RTTN: variants seen among roughly 807,000 people sequenced by gnomAD.
RTTN encodes rotatin.
A neutral mutation model predicts 269.2 loss-of-function variants in RTTN; 182 were observed. The observed-to-expected ratio is 0.68, with a 90% CI of 0.60 to 0.76. RTTN has a LOEUF of 0.76. Among genes scored for constraint, RTTN ranks in the 30% least tolerant of loss-of-function variants. The probability of loss-of-function intolerance (pLI) is 0.00; values close to 1 mark genes in which losing one functional copy is unlikely to be tolerated. For synonymous variants in RTTN, 1,006 were observed against 963.5 expected (o/e 1.04, Z -0.82); for missense variants, 2,545 against 2,608.6 (o/e 0.98, Z 0.53).
At chr18:70,024,255 G>T (rs1377884862) in intron 44 of RTTN, among the ~76,000 whole-genome samples, 3 of 152,094 alleles carry the variant, frequency 2.0e-5, no homozygotes, top group Non-Finnish European at 4.4e-5. Flanking sequence ...ACAATGCATG[G>T]CCCACCACAG....
At chr18:70,018,899 T>A in intron 45 of RTTN, among the ~76,000 whole-genome samples, 1 of 140,146 alleles carries the variant, frequency 7.1e-6, no homozygotes, top group Admixed American at 8.0e-5. Context: ...CCAGGTAGAA[T>A]ATGTAGAGAT....
rs938924045 is a variant in RTTN at position 70,054,247 on chromosome 18, C to G, written c.5069G>C (p.Arg1690Thr). Residue 1690 changes from arginine (R) to threonine (T), a missense_variant, in exon 38 of 49, where the codon AGG (arginine) becomes ACG (threonine). Arg to Thr is a moderately conservative substitution (Grantham distance 71). Coordinates refer to ENST00000640769, the MANE Select transcript of RTTN (RefSeq NM_173630.4). ...CACCAATAAACATGACTGCAGAAGCCTGGACAAAGAGGATAGGTATTCCAG... is the reference window on the plus strand; with the variant it reads ...CACCAATAAACATGACTGCAGAAGCGTGGACAAAGAGGATAGGTATTCCAG... ...FLLEYLSSLS[R>T]LLQSCLLVEP... is the part of the protein sequence containing the mutation. 1.2e-6 allele frequency: 2 copies of G among 1,613,592 alleles called. No individual in the cohort carries two copies. Among genetic ancestry groups the G allele is most frequent in the African/African-American group, 1.3e-5 (1 of 74,878 alleles).
In RTTN at chr18:70,006,441, A is replaced by T. The variant is rs765947142; in HGVS notation, c.6465T>A (p.Asn2155Lys). 1.3e-5 allele frequency: 21 copies of T among 1,613,982 alleles called. No homozygotes were observed. Among genetic ancestry groups the T allele is most frequent in the Non-Finnish European group, 7.6e-6 (9 of 1,179,970 alleles). Reference protein sequence around the residue: ...TVLAACLESENQNAQRIGAAA... With the variant: ...TVLAACLESEKQNAQRIGAAA... ...CTGCTCCAATCCTCTGAGCATTTTGATTCTCACTTTCCAGACAGGCAGCAA... is the reference window on the plus strand; with the variant it reads ...CTGCTCCAATCCTCTGAGCATTTTGTTTCTCACTTTCCAGACAGGCAGCAA... The change falls in exon 47 of 49, where the codon AAT (asparagine) becomes AAA (lysine). Residue 2155 changes from asparagine to lysine, a missense_variant. Coordinates refer to ENST00000640769, the MANE Select transcript of RTTN (RefSeq NM_173630.4).
rs2060097087 is a variant in RTTN, at chr18:70,135,257, A to G, written c.2812T>C (p.Cys938Arg). 6.5e-7 allele frequency: 1 copy of G among 1,546,712 alleles called. No individual in the cohort carries two copies. Among genetic ancestry groups the G allele is most frequent in the Non-Finnish European group, 8.7e-7 (1 of 1,152,088 alleles). Residue 938 changes from cysteine (C) to arginine (R), a missense_variant, in exon 22 of 49, where the codon TGT becomes CGT. By Grantham distance (180) the Cys-to-Arg change is radical. Coordinates refer to ENST00000640769, the MANE Select transcript of RTTN (RefSeq NM_173630.4). ...GCTCCAACTTCAGTCACGACACTAC[A>G]ATCTTCATGAAATATTAAGGAAACT... ...FRVSLIFHED[C>R]SVVTEVGALF...
chr18:70,075,340 T>C lies in RTTN; in HGVS notation c.4564+12A>G, dbSNP rs370107144. The stretch of plus-strand genomic sequence containing the variant: ...TATTACAAAAATAAAAATACAAAGA[T>C]ATCGTACTTACCATTTAAATCATTG... On this transcript the variant is annotated intron_variant, in intron 33 of 48. Transcript: ENST00000640769. 27 of 1,511,226 alleles carry C rather than the reference T, an allele frequency of 1.8e-5. No homozygotes were observed. Among genetic ancestry groups the C allele is most frequent in the Non-Finnish European group, 5.4e-6 (6 of 1,118,466 alleles). 93.6% of individuals were successfully genotyped at this position (1,511,226 alleles called of 1,614,324 possible).
intron 42 of RTTN, among the ~76,000 whole-genome samples, chr18:70,029,163 CAAAAA>C (rs35814962): frequency 4.4e-5 from 5 of 112,786 alleles, no homozygotes; most frequent in Non-Finnish European, 5.4e-5. Context: ...GGAAAAGAGG[CAAAAA>C]AAAAAAAAAA....
In RTTN at chr18:70,204,169, A is replaced by C; in HGVS notation, c.314T>G (p.Ile105Ser). 3 of 1,614,136 alleles carry C rather than the reference A, an allele frequency of 1.9e-6. No individual in the cohort carries two copies. The highest frequency in any genetic ancestry group is 2.5e-6 in the Non-Finnish European group (3 of 1,179,986). The change falls in exon 3 of 49, where the codon ATT (isoleucine) becomes AGT (serine). Residue 105 changes from isoleucine (I) to serine (S), a missense_variant. Coordinates refer to ENST00000640769, the MANE Select transcript of RTTN (RefSeq NM_173630.4). Reference sequence around the variant, plus strand: ...AAAAAGTCCATCCAGAATGCCATCAATTTCAGCCTGCAGATTTGGCTCCAC... The same window carrying C: ...AAAAAGTCCATCCAGAATGCCATCACTTTCAGCCTGCAGATTTGGCTCCAC... ...SNVEPNLQAE[I>S]DGILDGLFLL...
intron 12 of RTTN, among the ~76,000 whole-genome samples, chr18:70,167,328 T>G (rs1334827956): frequency 1.3e-5 from 2 of 152,222 alleles, no homozygotes; most frequent in African/African-American, 4.8e-5. Flanking sequence ...CTACCTCCCC[T>G]AATAAAAGTA....
In RTTN at chr18:70,127,603, C is replaced by T. The variant is rs555708275; in HGVS notation, c.3282G>A (p.Arg1094=). 31 of 1,613,530 alleles carry T rather than the reference C, an allele frequency of 1.9e-5. No homozygotes were observed. In the African/African-American group the frequency reaches 3.9e-4, roughly 20 times the overall value. ...THREVRAAVT[R]MSFYLLNDRL... ...TGTCATTCAGAAGATAAAAACTCAT[C>T]CTGGTGACAGCAGCCCTAACTTCCC... Residue 1094 remains arginine, a synonymous_variant, in exon 25 of 49, where the codon AGG becomes AGA. Transcript: ENST00000640769.
chr18:70,091,688 A>G (rs1474991224), intron 30 of RTTN: 1 of 152,282 alleles, frequency 6.6e-6, no homozygotes, highest in Non-Finnish European at 1.5e-5. Flanking sequence ...GGGCTTAAAT[A>G]AAACATAAGG....
intron 19 of RTTN, among the ~76,000 whole-genome samples, chr18:70,141,432 A>T (rs1255605176): frequency 2.6e-5 from 4 of 152,232 alleles, no homozygotes; most frequent in Non-Finnish European, 5.9e-5. Flanking sequence ...ACCATGGAAT[A>T]CTATGCAGCC....
chr18:70,115,685 T>C (rs969988835), intron 26 of RTTN, among the ~76,000 whole-genome samples: 4 of 151,934 alleles, frequency 2.6e-5, no homozygotes, highest in Admixed American at 2.0e-4. Context: ...ACTCCAAAGC[T>C]AGTTAATATT....
At chr18:70,205,432 C>T in intron 1 of RTTN, 117 bp from the exon 2 acceptor site, 2 of 1,411,246 alleles carry the variant, frequency 1.4e-6, no homozygotes, top group Admixed American at 3.6e-5. Flanking sequence ...CAGAAGCAGG[C>T]CACTGGTGCC....
intron 16 of RTTN, 123 bp downstream of exon 16, chr18:70,149,848 G>A (rs1054090932): frequency 8.2e-6 from 6 of 734,006 alleles, no homozygotes; most frequent in Non-Finnish European, 1.5e-5. Flanking sequence ...CTTATCCCCA[G>A]CGCCTTCACA....
intron 44 of RTTN, among the ~76,000 whole-genome samples, chr18:70,022,097 A>G (rs951974571): frequency 1.3e-5 from 2 of 152,176 alleles, no homozygotes; most frequent in African/African-American, 2.4e-5. Flanking sequence ...ATTTATGACC[A>G]TAAGTGGTAC....
intron 40 of RTTN, among the ~76,000 whole-genome samples, chr18:70,038,641 A>T (rs1401111999): frequency 6.6e-6 from 1 of 152,218 alleles, no homozygotes; most frequent in Non-Finnish European, 1.5e-5. Context: ...GACTAAAACA[A>T]ATACCTAACT....
chr18:70,103,512 T>A (rs2059233800), intron 28 of RTTN, among the ~76,000 whole-genome samples: 1 of 152,050 alleles, frequency 6.6e-6, no homozygotes, highest in South Asian at 2.1e-4. Context: ...TTAAATGGAT[T>A]AAGGGCGGTG....
At chr18:70,076,392 G>A (rs1158426421) in intron 32 of RTTN, among the ~76,000 whole-genome samples, 1 of 151,906 alleles carries the variant, frequency 6.6e-6, no homozygotes, top group Non-Finnish European at 1.5e-5. Context: ...CATATTGCAA[G>A]TTGACCTTTA....
rs575485145 is a variant in RTTN, at chr18:70,201,590, A to AG, written c.487+303dup. Among the ~76,000 whole-genome samples, 763 of 128,714 alleles carry AG rather than the reference A, an allele frequency of 5.9e-3. 8 individuals carry two copies. Among genetic ancestry groups the AG allele is most frequent in the South Asian group, 9.5e-3 (31 of 3,256 alleles). 84.4% of individuals were successfully genotyped at this position (128,714 alleles called of 152,430 possible). On this transcript the variant is annotated intron_variant, in intron 4 of 48. Coordinates refer to ENST00000640769, the MANE Select transcript of RTTN (RefSeq NM_173630.4). ...ACCACTGCACTCCAGCCTGGGCGAC[A>AG]GAGCGAGACTCCATCTCAAAAAAAA...
Sources: gnomAD v4.1 joint callset for allele counts (sites outside exome capture counted in the v4.1 genomes callset) on GRCh38, gnomAD v4.1.1 for gene constraint, MANE v1.5 for transcripts, NCBI Gene and HGNC (gene_info 2026-07-23, HGNC 2026-07-21) for gene names.